The following ATP7A variants were observed in gnomAD, a reference collection of about 807,000 sequenced individuals.
ATP7A encodes copper-transporting ATPase 1.
In ATP7A, 7 loss-of-function variants were observed where a neutral mutation model predicts 83.5. The observed-to-expected ratio is 0.08, with a 90% CI of 0.05 to 0.16. The LOEUF is 0.16. ATP7A is among the 10% of genes least tolerant of loss of function. The probability of loss-of-function intolerance (pLI) is 1.00; values close to 1 mark genes in which losing one functional copy is unlikely to be tolerated. For synonymous variants in ATP7A, 354 were observed against 395.2 expected (o/e 0.90, Z 1.24); for missense variants, 940 against 1,120.8 (o/e 0.84, Z 2.30).
chrX:77,968,813 G>A, intron 1 of ATP7A: 1 of 1,198,402 alleles, frequency 8.3e-7, no homozygotes, highest in South Asian at 1.8e-5. Context: ...AGGTGGGAGG[G>A]GCAGAGGGAC....
chrX:77,925,183 A>G (rs1481354412), intron 1 of ATP7A, among the ~76,000 whole-genome samples: 1 of 112,329 alleles, frequency 8.9e-6, no homozygotes, highest in Non-Finnish European at 1.9e-5. Flanking sequence ...TGAAAAATAC[A>G]TTAGTATACT....
At chrX:77,921,304 C>G (rs1288966465) in intron 1 of ATP7A, among the ~76,000 whole-genome samples, 1 of 111,843 alleles carries the variant, frequency 8.9e-6, no homozygotes, top group African/African-American at 3.3e-5. Flanking sequence ...TATTTCCATT[C>G]TTCTGGAGAA....
intron 4 of ATP7A, among the ~76,000 whole-genome samples, chrX:77,996,656 C>T (rs1451379030): frequency 9.0e-6 from 1 of 111,165 alleles, no homozygotes; most frequent in Non-Finnish European, 1.9e-5. Flanking sequence ...CCTCTTATGA[C>T]TTATTTTAAT....
chrX:77,958,785 GTTTTTTT>G (rs1312033727), intron 1 of ATP7A, among the ~76,000 whole-genome samples: 3 of 84,445 alleles, frequency 3.6e-5, no homozygotes, highest in African/African-American at 8.6e-5. Flanking sequence ...ATGTTTTATA[GTTTTTTT>G]TTTTTTTTTT....
chrX:77,942,746 C>G (rs2077358411), intron 1 of ATP7A, among the ~76,000 whole-genome samples: 1 of 111,411 alleles, frequency 9.0e-6, no homozygotes, highest in Non-Finnish European at 1.9e-5. Context: ...CCGCATCCAG[C>G]CCTCTTTCTC....
intron 18 of ATP7A, among the ~76,000 whole-genome samples, chrX:78,040,031 C>T (rs2078037427): frequency 1.8e-5 from 2 of 111,334 alleles, no homozygotes; most frequent in Admixed American, 9.6e-5. Context: ...TAATTCCACT[C>T]TACATTTATA....
chrX:77,956,726 C>CTCTCT (rs1557227391), intron 1 of ATP7A, among the ~76,000 whole-genome samples: 5 of 73,777 alleles, frequency 6.8e-5, no homozygotes, highest in South Asian at 1.5e-3. Flanking sequence ...TACCCAGTCT[C>CTCTCT]CTTTCTTTCT....
At chrX:78,021,981 C>T (rs781882594) in intron 14 of ATP7A, among the ~76,000 whole-genome samples, 34 of 111,517 alleles carry the variant, frequency 3.0e-4, no homozygotes, top group African/African-American at 8.5e-4. Context: ...AAGTTCACCC[C>T]GTTTGTATAG....
chrX:77,939,796 T>A (rs1242858324), intron 1 of ATP7A, among the ~76,000 whole-genome samples: 1 of 109,778 alleles, frequency 9.1e-6, no homozygotes, highest in Non-Finnish European at 1.9e-5. Context: ...CCAACAATAA[T>A]CATCTAGACA....
At chrX:77,934,857 T>G (rs1423666004) in intron 1 of ATP7A, among the ~76,000 whole-genome samples, 2 of 109,210 alleles carry the variant, frequency 1.8e-5, no homozygotes, top group African/African-American at 6.7e-5. Flanking sequence ...GTTATAGTTT[T>G]TTTTTTTTTT....
chrX:77,998,236 GA>G (rs1262860157), intron 4 of ATP7A, among the ~76,000 whole-genome samples: 2 of 111,654 alleles, frequency 1.8e-5, no homozygotes, highest in Non-Finnish European at 3.8e-5. Flanking sequence ...ATGGCTAGAA[GA>G]AAAAAAGTTT....
chrX:77,990,805 G>A (rs1488169721), intron 4 of ATP7A, among the ~76,000 whole-genome samples: 5 of 111,732 alleles, frequency 4.5e-5, no homozygotes, highest in Non-Finnish European at 9.4e-5. Flanking sequence ...CAATTGAAAC[G>A]TTTTACAACC....
rs1557235619 is a variant in ATP7A at position 78,020,395 on chromosome X, A to G, written c.2778A>G (p.Ser926=). The G allele has an allele frequency of 8.3e-7, 1 of 1,210,165 alleles. No homozygotes were observed. The highest frequency in any genetic ancestry group is 2.2e-5 in the Admixed American group (1 of 46,078). Residue 926 remains serine, a synonymous_variant, in exon 13 of 23, where the codon TCA becomes TCG. Coordinates refer to ENST00000341514, the MANE Select transcript of ATP7A (RefSeq NM_000052.7). ...IVKLVEEAQT[S]KAPIQQFADK... ...AACTTGTGGAAGAGGCACAAACATC[A>G]AAGGTAACTTAACTCCCTAGGAGAA...
intron 1 of ATP7A, among the ~76,000 whole-genome samples, chrX:77,948,104 C>T (rs28621786): frequency 0.14 from 8,891 of 63,191 alleles, 511 homozygotes; most frequent in Middle Eastern, 0.25. Flanking sequence ...TTTATTTATT[C>T]ATTCATTCAT....
rs782375960 is a variant in ATP7A, at chrX:78,040,741, A to G, written c.3801+8A>G. Reference sequence around the variant, plus strand: ...AGATCTATTGCTTCTCAGGTAATTGATAGGGGTATGTGATAACTTCTAATT... The same window carrying G: ...AGATCTATTGCTTCTCAGGTAATTGGTAGGGGTATGTGATAACTTCTAATT... On this transcript the variant is annotated splice_region_variant and intron_variant, in intron 19 of 22. Coordinates refer to ENST00000341514, the MANE Select transcript of ATP7A (RefSeq NM_000052.7). 2 of 1,208,244 alleles carry G rather than the reference A, an allele frequency of 1.7e-6. No individual in the cohort carries two copies. Among genetic ancestry groups the G allele is most frequent in the Admixed American group, 4.3e-5 (2 of 46,008 alleles).
At chrX:77,914,572 G>A (rs782026941) in intron 1 of ATP7A, among the ~76,000 whole-genome samples, 1 of 110,891 alleles carries the variant, frequency 9.0e-6, no homozygotes, top group South Asian at 3.8e-4. Context: ...GTTAGTTTTT[G>A]TATTTTTGGT....
At chrX:78,015,323 G>A (rs2077854574) in intron 11 of ATP7A, among the ~76,000 whole-genome samples, 2 of 111,602 alleles carry the variant, frequency 1.8e-5, no homozygotes, top group Non-Finnish European at 3.8e-5. Flanking sequence ...TTTATCCTTT[G>A]TTTCCTTTTG....
intron 1 of ATP7A, among the ~76,000 whole-genome samples, chrX:77,911,594 T>G (rs1350890034): frequency 6.8e-4 from 57 of 83,282 alleles, no homozygotes; most frequent in African/African-American, 1.5e-3. Flanking sequence ...GGGGGGGTGG[T>G]GGGGAGGGGG....
chrX:77,977,833 A>C (rs957931238), intron 2 of ATP7A, among the ~76,000 whole-genome samples: 3 of 112,560 alleles, frequency 2.7e-5, no homozygotes, highest in African/African-American at 9.7e-5. Context: ...AAAATAAAAG[A>C]AAACACACTT....
Sources: allele counts gnomAD v4.1 joint callset (sites outside exome capture counted in the v4.1 genomes callset), GRCh38; gene constraint gnomAD v4.1.1; transcripts MANE v1.5; gene names NCBI Gene and HGNC (gene_info 2026-07-23, HGNC 2026-07-21).